MYO7B: variants seen among roughly 807,000 people sequenced by gnomAD.
MYO7B encodes unconventional myosin-VIIb.
In MYO7B, 212 loss-of-function variants were observed where a neutral mutation model predicts 259.7. The observed-to-expected ratio is 0.82, with a 90% confidence interval of 0.73 to 0.91. The LOEUF (loss-of-function observed/expected upper bound fraction) is 0.91. Among genes scored for constraint, MYO7B ranks in the 40% least tolerant of loss-of-function variants. The probability of loss-of-function intolerance (pLI) is 0.00; values close to 1 mark genes in which losing one functional copy is unlikely to be tolerated. For synonymous variants in MYO7B, 1,197 were observed against 1,166.4 expected (o/e 1.03, Z -0.54); for missense variants, 2,732 against 2,813.5 (o/e 0.97, Z 0.66).
In MYO7B at chr2:127,609,393, G is replaced by A; in HGVS notation, c.2815-113G>A. ...GGATGGGTGGTCTCCAGCACCTGAGGGATCAGGGTAATGCAACAGCCCCCG... is the reference window on the plus strand; with the variant it reads ...GGATGGGTGGTCTCCAGCACCTGAGAGATCAGGGTAATGCAACAGCCCCCG... On this transcript the variant is annotated intron_variant, in intron 22 of 47. Coordinates refer to ENST00000409816, the MANE Select transcript of MYO7B (RefSeq NM_001393586.1). This position sits in a 1 kb window ranked among gnomAD's most constrained non-coding sequence, Gnocchi z 6.9. 1.1e-6 allele frequency: 1 copy of A among 945,148 alleles called. No individual in the cohort carries two copies. Among genetic ancestry groups the A allele is most frequent in the Non-Finnish European group, 1.6e-6 (1 of 617,114 alleles). 58.5% of individuals were successfully genotyped at this position (945,148 alleles called of 1,614,324 possible).
intron 35 of MYO7B, among the ~76,000 whole-genome samples, chr2:127,630,311 C>T (rs1416833814): frequency 6.6e-6 from 1 of 152,196 alleles, no homozygotes; most frequent in East Asian, 1.9e-4. Flanking sequence ...GATAATGACA[C>T]ATGGATGGCA....
In MYO7B at chr2:127,628,498, C is replaced by A. The variant is rs751456285; in HGVS notation, c.4587C>A (p.Ser1529=). ...ALFLEGLKER[S]IFAMALQDRK... ...TCCTGGAGGGCCTGAAGGAGAGGTCCATTTTCGCCATGGCCCTGCAGGACA... is the reference window on the plus strand; with the variant it reads ...TCCTGGAGGGCCTGAAGGAGAGGTCAATTTTCGCCATGGCCCTGCAGGACA... The change falls in exon 34 of 48, where the codon TCC becomes TCA. Residue 1529 remains serine, a synonymous_variant. Coordinates refer to ENST00000409816, the MANE Select transcript of MYO7B (RefSeq NM_001393586.1). The surrounding 1 kb of genome is among the most constrained non-coding windows in gnomAD (Gnocchi z 4.8). 6.9e-7 allele frequency: 1 copy of A among 1,443,420 alleles called. No homozygotes were observed. The highest frequency in any genetic ancestry group is 9.2e-7 in the Non-Finnish European group (1 of 1,088,340). The allele number at this position is 1,443,420 out of a possible 1,614,324, so 89.4% of individuals were successfully genotyped here.
At chr2:127,540,168 TA>T in intron 1 of MYO7B, among the ~76,000 whole-genome samples, 1 of 110,938 alleles carries the variant, frequency 9.0e-6, no homozygotes, top group Non-Finnish European at 2.1e-5. Flanking sequence ...TTTCTGGTTT[TA>T]TTTTTTTTTT....
intron 6 of MYO7B, among the ~76,000 whole-genome samples, chr2:127,571,368 T>G (rs1678597769): frequency 6.8e-6 from 1 of 146,700 alleles, no homozygotes; most frequent in African/African-American, 2.5e-5. Flanking sequence ...GTATATCTTC[T>G]CTGGTGAAGT....
At chr2:127,547,899 C>T (rs981730621) in intron 1 of MYO7B, among the ~76,000 whole-genome samples, 2 of 152,216 alleles carry the variant, frequency 1.3e-5, no homozygotes, top group Admixed American at 1.3e-4. Context: ...GAATTAGGCT[C>T]ATTTCTTCCT....
chr2:127,577,838 G>C lies in MYO7B; in HGVS notation c.850-295G>C, dbSNP rs1678936228. 6.6e-6 allele frequency among the ~76,000 whole-genome samples: 1 copy of C among 152,246 alleles called. No individual in the cohort carries two copies. The highest frequency in any genetic ancestry group is 2.1e-4 in the South Asian group (1 of 4,832). ...TGTTTCTTAAAGGAACAAACCCACA[G>C]TGTCCCCCAGAGAGACAAGGCAAGC... On this transcript the variant is annotated intron_variant, in intron 8 of 47. Coordinates refer to ENST00000409816, the MANE Select transcript of MYO7B (RefSeq NM_001393586.1). This position sits in a 1 kb window ranked among gnomAD's most constrained non-coding sequence, Gnocchi z 5.2.
chr2:127,602,586 G>T (rs570135416), intron 19 of MYO7B, among the ~76,000 whole-genome samples: 1 of 152,304 alleles, frequency 6.6e-6, no homozygotes, highest in East Asian at 1.9e-4. Flanking sequence ...GGAGTTCAAA[G>T]TTATGTTGAG....
At chr2:127,621,953 T>A in intron 27 of MYO7B, 29 bp from the exon 28 acceptor site, 2 of 1,551,678 alleles carry the variant, frequency 1.3e-6, no homozygotes, top group Non-Finnish European at 1.7e-6. Flanking sequence ...CTGAGTGTCT[T>A]CCTCCCTTCT....
At chr2:127,544,468 GC>G (rs1372147959) in intron 1 of MYO7B, among the ~76,000 whole-genome samples, 1 of 152,086 alleles carries the variant, frequency 6.6e-6, no homozygotes, top group African/African-American at 2.4e-5. Flanking sequence ...GAGTGCAATG[GC>G]ACGATCTTGG....
intron 30 of MYO7B, among the ~76,000 whole-genome samples, chr2:127,624,762 T>G (rs922422641): frequency 6.6e-6 from 1 of 151,770 alleles, no homozygotes; most frequent in Admixed American, 6.6e-5. Context: ...CCGTGCGGAG[T>G]GTACCGGGAG....
At position 127,539,600 on chromosome 2, in the gene MYO7B, G is replaced by A. The variant is rs1156786381; in HGVS notation, c.-24+3769G>A. On this transcript the variant is annotated intron_variant, in intron 1 of 47. Transcript: ENST00000409816. This position sits in a 1 kb window ranked among gnomAD's most constrained non-coding sequence, Gnocchi z 4.0. ...CTCTACATGAGGGAGGGCACCTCAC[G>A]GGCTATCTCAGCATGAAGGGGGCTT... Among the ~76,000 whole-genome samples, 1 of 152,150 alleles carries A rather than the reference G, an allele frequency of 6.6e-6. No homozygotes were observed.
chr2:127,588,257 G>T (rs1331284460), intron 14 of MYO7B, 135 bp from the exon 15 acceptor site: 5 of 975,788 alleles, frequency 5.1e-6, no homozygotes, highest in Non-Finnish European at 6.0e-6. Context: ...GGGGTGGAGA[G>T]CATGGCCGTA....
rs1488365215 is a variant in MYO7B at position 127,637,707 on chromosome 2, T to TAAAA, written c.*292_*295dup. On this transcript the variant is annotated 3_prime_UTR_variant, in exon 48 of 48. Transcript: ENST00000409816. ...CACCCCACCCCACCAGAATGTTCAA[T>TAAAA]AAAAACTCCTGGAGCAGGAGAAGTG... 2 of 340,854 alleles carry TAAAA rather than the reference T, an allele frequency of 5.9e-6. No individual in the cohort carries two copies. The highest frequency in any genetic ancestry group is 4.5e-5 in the Admixed American group (1 of 22,224). The allele number at this position is 340,854 out of a possible 1,614,324, so 21.1% of individuals were successfully genotyped here.
At chr2:127,575,376 C>A (rs1678822098) in intron 7 of MYO7B, among the ~76,000 whole-genome samples, 1 of 151,894 alleles carries the variant, frequency 6.6e-6, no homozygotes, top group African/African-American at 2.4e-5. Flanking sequence ...CAAAATGATA[C>A]CCTGAAATGG....
At chr2:127,632,786 G>A (rs879380838) in intron 39 of MYO7B, among the ~76,000 whole-genome samples, 10 of 152,016 alleles carry the variant, frequency 6.6e-5, no homozygotes, top group Non-Finnish European at 1.5e-4. Context: ...TTCCTTGGCC[G>A]TCTTTGCTCT....
chr2:127,557,374 A>T (rs1282930161), intron 1 of MYO7B, among the ~76,000 whole-genome samples: 1 of 152,000 alleles, frequency 6.6e-6, no homozygotes, highest in Non-Finnish European at 1.5e-5. Context: ...TAGCTTAATA[A>T]TTGACCTTCT....
In MYO7B at chr2:127,620,433, C is replaced by T. The variant is rs765240466; in HGVS notation, c.3492C>T (p.Leu1164=). 1.6e-5 allele frequency: 22 copies of T among 1,376,582 alleles called. No individual in the cohort carries two copies. The highest frequency in any genetic ancestry group is 2.1e-5 in the Non-Finnish European group (22 of 1,028,998). 85.3% of individuals were successfully genotyped at this position (1,376,582 alleles called of 1,614,324 possible). ...GCTGGATCCTGCTCAGCCTCTGCCT[C>T]GGCTGCTTCCCACCCTCAGAGAGGT... ...ARGWILLSLC[L]GCFPPSERFM... Residue 1164 remains leucine, a synonymous_variant, in exon 27 of 48, where the codon CTC becomes CTT. Coordinates refer to ENST00000409816, the MANE Select transcript of MYO7B (RefSeq NM_001393586.1).
At chr2:127,573,128 G>T (rs571485265) in intron 6 of MYO7B, among the ~76,000 whole-genome samples, 31 of 152,278 alleles carry the variant, frequency 2.0e-4, no homozygotes, top group Non-Finnish European at 3.2e-4. Flanking sequence ...ACTTCCCCAA[G>T]GAACCCTTTT....
chr2:127,626,778 CAAAAA>C (rs930204328), intron 31 of MYO7B, 192 bp from the exon 32 acceptor site: 5 of 554,316 alleles, frequency 9.0e-6, no homozygotes, highest in African/African-American at 7.6e-5. Context: ...GACTCTGTCT[CAAAAA>C]AGAAAAAAAA....
Sources: allele counts gnomAD v4.1 joint callset (sites outside exome capture counted in the v4.1 genomes callset), GRCh38; gene constraint gnomAD v4.1.1; non-coding constraint Gnocchi (gnomAD v3.1); transcripts MANE v1.5; gene names NCBI Gene and HGNC (gene_info 2026-07-23, HGNC 2026-07-21).